TACC2: variants seen among roughly 807,000 people sequenced by gnomAD.
The protein encoded by TACC2 is transforming acidic coiled-coil-containing protein 2.
A neutral mutation model predicts 227.3 loss-of-function variants in TACC2; 137 were observed. That is an observed-to-expected ratio of 0.60 (90% confidence interval 0.52 to 0.69). TACC2 has a LOEUF of 0.69. Among genes scored for constraint, TACC2 ranks in the 30% least tolerant of loss-of-function variants. The probability of loss-of-function intolerance (pLI) is 0.00; values close to 1 mark genes in which losing one functional copy is unlikely to be tolerated. For synonymous variants in TACC2, 1,523 were observed against 1,487.5 expected, an observed-to-expected ratio of 1.02 and a Z score of -0.55; for missense variants, 3,470 against 3,694.4, an observed-to-expected ratio of 0.94 and a Z score of 1.57.
At position 122,156,466 on chromosome 10, in the gene TACC2, C is replaced by T. The variant is rs887264891; in HGVS notation, c.5834+12760C>T. Among the ~76,000 whole-genome samples, 5 of 152,208 alleles carry T rather than the reference C, an allele frequency of 3.3e-5. No individual in the cohort carries two copies. In the South Asian group the frequency reaches 8.3e-4, roughly 25 times the overall value. On this transcript the variant is annotated intron_variant, in intron 7 of 22. Transcript: ENST00000369005. ...GTCTCGATCTCCTGACCTTGTGATC[C>T]GCCCATCTTGGCCTCCCAAAGTGCT...
chr10:122,204,019 G>A (rs2095003547), intron 8 of TACC2, among the ~76,000 whole-genome samples: 1 of 151,232 alleles, frequency 6.6e-6, no homozygotes, highest in Admixed American at 6.6e-5. Flanking sequence ...CCAGTCAGGT[G>A]TGGCGGCGCG....
Position 122,216,739 on chromosome 10 carries a change from T to C in TACC2, c.7457T>C (p.Val2486Ala). 6.2e-7 allele frequency: 1 copy of C among 1,614,074 alleles called. No individual in the cohort carries two copies. The highest frequency in any genetic ancestry group is 8.5e-7 in the Non-Finnish European group (1 of 1,180,028). ...AACCAGAAGTGGACGTGCATGACAGTGGACCTAGAGGCTGACAAACAGGAC... is the reference window on the plus strand; with the variant it reads ...AACCAGAAGTGGACGTGCATGACAGCGGACCTAGAGGCTGACAAACAGGAC... The part of the protein sequence containing the change: ...VTNQKWTCMT[V>A]DLEADKQDYP... Residue 2486 changes from valine to alanine, a missense_variant, in exon 11 of 23, where the codon GTG becomes GCG. Physicochemically the swap from Val to Ala is moderately conservative, Grantham distance 64 (BLOSUM62 0). Around this residue, in one of 10 missense-constraint regions of TACC2, gnomAD observed 345 missense variants for 354.4 expected, o/e 0.97. Coordinates refer to ENST00000369005, the MANE Select transcript of TACC2 (RefSeq NM_206862.4).
chr10:121,998,433 G>A (rs1393596855), intron 1 of TACC2, among the ~76,000 whole-genome samples: 1 of 151,936 alleles, frequency 6.6e-6, no homozygotes, highest in African/African-American at 2.4e-5. Flanking sequence ...GTGTTTAGAA[G>A]AGGTGGATAT....
chr10:122,195,407 T>C (rs1034099312), intron 8 of TACC2, among the ~76,000 whole-genome samples: 7 of 152,068 alleles, frequency 4.6e-5, no homozygotes, highest in Admixed American at 3.3e-4. Context: ...TCTGGGGAGA[T>C]TGGGTTTGGA....
At chr10:122,230,286 G>T in intron 15 of TACC2, 65 bp from the exon 16 acceptor site, 1 of 1,376,668 alleles carries the variant, frequency 7.3e-7, no homozygotes, top group Non-Finnish European at 1.0e-6. Context: ...TTTCTCGGAT[G>T]TGGAAACCAT....
intron 1 of TACC2, among the ~76,000 whole-genome samples, chr10:121,994,067 G>A (rs1953163742): frequency 6.6e-6 from 1 of 152,022 alleles, no homozygotes; most frequent in Non-Finnish European, 1.5e-5. Flanking sequence ...TTCTCCAGCC[G>A]CTTCGTTTCC....
At position 122,143,722 on chromosome 10, in the gene TACC2, C is replaced by T. The variant is rs754896351; in HGVS notation, c.5834+16C>T. On this transcript the variant is annotated intron_variant, in intron 7 of 22. Coordinates refer to ENST00000369005, the MANE Select transcript of TACC2 (RefSeq NM_206862.4). Reference sequence around the variant, plus strand: ...ACCTCAGCAGGTATTGCGCAAGTCCCCCTCCACAGCACCTGCCCCCGGAGA... The same window carrying T: ...ACCTCAGCAGGTATTGCGCAAGTCCTCCTCCACAGCACCTGCCCCCGGAGA... 6.2e-7 allele frequency: 1 copy of T among 1,611,282 alleles called. No homozygotes were observed. The highest frequency in any genetic ancestry group is 1.7e-5 in the Admixed American group (1 of 59,864).
chr10:122,100,673 G>A (rs1158136301), intron 5 of TACC2, among the ~76,000 whole-genome samples: 2 of 152,122 alleles, frequency 1.3e-5, no homozygotes, highest in East Asian at 1.9e-4. Context: ...TGATCTGCCC[G>A]CCTCAGCCTC....
Position 122,050,553 on chromosome 10 carries a change from A to C in TACC2, c.146+3A>C, listed in dbSNP as rs1248353903. Reference sequence around the variant, plus strand: ...CCTGACCACAGAGACGCGTCCAGGTAGGAGGCCAGCTCTGGAGGACTGATG... The same window carrying C: ...CCTGACCACAGAGACGCGTCCAGGTCGGAGGCCAGCTCTGGAGGACTGATG... On this transcript the variant is annotated splice_donor_region_variant and intron_variant, in intron 3 of 22. Transcript: ENST00000369005. This position sits in a 1 kb window ranked among gnomAD's most constrained non-coding sequence, Gnocchi z 4.6. 6 of 1,611,008 alleles carry C rather than the reference A, an allele frequency of 3.7e-6. No homozygotes were observed. The Admixed American group carries it at 5.0e-5, about 13-fold the overall frequency.
At chr10:122,201,306 TCACCTGCCC>T (rs2094836729) in intron 8 of TACC2, among the ~76,000 whole-genome samples, 5 of 148,870 alleles carry the variant, frequency 3.4e-5, no homozygotes, top group East Asian at 4.2e-4. Flanking sequence ...AACGGCCACC[TCACCTGCCC>T]ACAGTGGCTG....
At chr10:122,163,852 C>T (rs1455657118) in intron 7 of TACC2, 3 of 1,505,572 alleles carry the variant, frequency 2.0e-6, no homozygotes, top group South Asian at 1.3e-5. Context: ...CTCGCCCCGG[C>T]TCCCGGCTGC....
intron 10 of TACC2, among the ~76,000 whole-genome samples, chr10:122,215,902 G>A (rs2095394912): frequency 6.6e-6 from 1 of 152,200 alleles, no homozygotes; most frequent in Admixed American, 6.5e-5. Context: ...GTTCTGTCTT[G>A]ATTAGAGTCC....
At chr10:122,226,604 ATTT>A in intron 13 of TACC2, 123 bp downstream of exon 13, 34 of 302,942 alleles carry the variant, frequency 1.1e-4, no homozygotes, top group Non-Finnish European at 1.4e-4. Flanking sequence ...CATGCCACAT[ATTT>A]TTTTTTTTTT....
chr10:122,162,231 G>A (rs965193005), intron 7 of TACC2, among the ~76,000 whole-genome samples: 3 of 152,224 alleles, frequency 2.0e-5, no homozygotes, highest in African/African-American at 4.8e-5. Flanking sequence ...TAAGAGCAGT[G>A]GAAAGTCAGT....
chr10:122,240,368 C>T (rs1333105093), intron 18 of TACC2, among the ~76,000 whole-genome samples: 2 of 152,020 alleles, frequency 1.3e-5, no homozygotes, highest in Non-Finnish European at 2.9e-5. Flanking sequence ...CCCTCGGAGG[C>T]TCATCTCATG....
intron 7 of TACC2, among the ~76,000 whole-genome samples, chr10:122,169,932 G>A (rs1037198208): frequency 6.6e-6 from 1 of 151,860 alleles, no homozygotes; most frequent in Non-Finnish European, 1.5e-5. Flanking sequence ...TAAATTTTTT[G>A]TAAAGACAGG....
chr10:122,073,126 A>AAAAAAT lies in TACC2; in HGVS notation c.147-9520_147-9519insAAAATA, dbSNP rs1383487943. 6.5e-3 allele frequency among the ~76,000 whole-genome samples: 463 copies of AAAAAAT among 70,872 alleles called. 8 individuals carry two copies. Among genetic ancestry groups the AAAAAAT allele is most frequent in the African/African-American group, 0.021 (339 of 16,092 alleles). 46.5% of individuals were successfully genotyped at this position (70,872 alleles called of 152,430 possible). A position where few individuals can be genotyped will look rare whatever the true frequency, so the allele number is the denominator to read the frequency against. On this transcript the variant is annotated intron_variant, in intron 3 of 22. Transcript: ENST00000369005. ...TGTCTCAAAAAAAAAAAAAAAAAAA[A>AAAAAAT]ATATATATATATATATATATATATA... is the stretch of plus-strand genomic sequence containing the variant.
chr10:122,053,886 A>G (rs2075963112), intron 3 of TACC2, among the ~76,000 whole-genome samples: 1 of 152,208 alleles, frequency 6.6e-6, no homozygotes, highest in South Asian at 2.1e-4. Context: ...TCTGTTTTCT[A>G]CTTGGAAAAA....
intron 18 of TACC2, among the ~76,000 whole-genome samples, chr10:122,240,370 C>T (rs1361499329): frequency 6.6e-6 from 1 of 152,112 alleles, no homozygotes; most frequent in Non-Finnish European, 1.5e-5. Context: ...CTCGGAGGCT[C>T]ATCTCATGGT....
Sources: allele counts gnomAD v4.1 joint callset (sites outside exome capture counted in the v4.1 genomes callset), GRCh38; gene constraint gnomAD v4.1.1; regional missense constraint gnomAD v4.1.1; non-coding constraint Gnocchi (gnomAD v3.1); transcripts MANE v1.5; gene names NCBI Gene and HGNC (gene_info 2026-07-23, HGNC 2026-07-21).